Variants in TFCP2L1 observed in about 807,000 individuals in gnomAD.
The protein encoded by TFCP2L1 is transcription factor CP2 like 1.
TFCP2L1 carries 12 observed loss-of-function variants against 72.2 expected under a neutral mutation model. The observed-to-expected ratio is 0.17, with a 90% CI of 0.11 to 0.27. The LOEUF is 0.27. Ranked by LOEUF, TFCP2L1 falls within the 10% of genes least tolerant of loss-of-function variation. The pLI is 1.00. For synonymous variants in TFCP2L1, 260 were observed against 251.0 expected (o/e 1.04, Z -0.34); for missense variants, 488 against 624.6 (o/e 0.78, Z 2.33).
intron 2 of TFCP2L1, among the ~76,000 whole-genome samples, chr2:121,255,977 G>A (rs770582857): frequency 2.6e-5 from 4 of 152,018 alleles, no homozygotes; most frequent in Non-Finnish European, 5.9e-5. Context: ...CTCCTACCTC[G>A]TGATCCACCC....
chr2:121,268,218 C>G (rs988936663), intron 2 of TFCP2L1, among the ~76,000 whole-genome samples: 1 of 152,214 alleles, frequency 6.6e-6, no homozygotes, highest in Non-Finnish European at 1.5e-5. Flanking sequence ...ACAAATTTCA[C>G]ATTTTGGAAA....
At chr2:121,232,117 GTTTTGTTTTGTTTTGT>G (rs1300218892) in intron 12 of TFCP2L1, 149 bp from the exon 13 acceptor site, 17 of 149,388 alleles carry the variant, frequency 1.1e-4, no homozygotes, top group Non-Finnish European at 2.3e-4. Flanking sequence ...TTTTTGTTTT[GTTTTGTTTTGTTTTGT>G]TTTGTTTTGT....
rs1468223409 is a variant in TFCP2L1 at position 121,222,643 on chromosome 2, G to C, written c.*1698C>G. The stretch of plus-strand genomic sequence containing the variant: ...GGCTGCCTTGGACTGCAGGAGTTAG[G>C]AAAGCAGGAGTGACAGACCAAGGGT... On this transcript the variant is annotated 3_prime_UTR_variant, in exon 15 of 15. Coordinates refer to ENST00000263707, the MANE Select transcript of TFCP2L1 (RefSeq NM_014553.3). 6.6e-6 allele frequency: 1 copy of C among 152,222 alleles called. No homozygotes were observed. The highest frequency in any genetic ancestry group is 2.4e-5 in the African/African-American group (1 of 41,450). The allele number at this position is 152,222 out of a possible 1,614,324, so 9.4% of individuals were successfully genotyped here.
Position 121,222,890 on chromosome 2 carries a change from G to C in TFCP2L1, c.*1451C>G, listed in dbSNP as rs889578839. ...TCACTCTGTTCTGTAGGAATGCCACGGCTATTACCCAACATAATGACTAAC... is the reference window on the plus strand; with the variant it reads ...TCACTCTGTTCTGTAGGAATGCCACCGCTATTACCCAACATAATGACTAAC... On this transcript the variant is annotated 3_prime_UTR_variant, in exon 15 of 15. Coordinates refer to ENST00000263707, the MANE Select transcript of TFCP2L1 (RefSeq NM_014553.3). 1 of 152,196 alleles carries C rather than the reference G, an allele frequency of 6.6e-6. No homozygotes were observed. The highest frequency in any genetic ancestry group is 1.5e-5 in the Non-Finnish European group (1 of 68,042). The allele number at this position is 152,196 out of a possible 1,614,324, so 9.4% of individuals were successfully genotyped here.
intron 2 of TFCP2L1, among the ~76,000 whole-genome samples, chr2:121,261,630 A>G (rs1025906851): frequency 1.7e-4 from 26 of 152,224 alleles, no homozygotes; most frequent in Non-Finnish European, 4.4e-5. Flanking sequence ...TTCCAATTAC[A>G]GAAGAAAATC....
chr2:121,249,548 T>C, intron 3 of TFCP2L1, 23 bp downstream of exon 3: 6 of 1,609,986 alleles, frequency 3.7e-6, no homozygotes, highest in Non-Finnish European at 4.2e-6. Context: ...CCCGAGGCAA[T>C]GAGAACAGCC....
At chr2:121,234,360 C>T (rs1573361613) in intron 11 of TFCP2L1, 166 bp from the exon 12 acceptor site, 33 of 624,930 alleles carry the variant, frequency 5.3e-5, no homozygotes, top group South Asian at 3.1e-4. Context: ...TCCCAGGTCC[C>T]GCAGCCTGCC....
intron 2 of TFCP2L1, among the ~76,000 whole-genome samples, chr2:121,264,126 G>C (rs1351022387): frequency 1.3e-5 from 2 of 152,206 alleles, no homozygotes; most frequent in Non-Finnish European, 2.9e-5. Flanking sequence ...CGTGTGCCGG[G>C]CTGAGAGTGG....
At chr2:121,272,683 G>A (rs895368103) in intron 2 of TFCP2L1, among the ~76,000 whole-genome samples, 62 of 152,202 alleles carry the variant, frequency 4.1e-4, no homozygotes, top group African/African-American at 1.4e-3. Flanking sequence ...CAGGATTGGC[G>A]AGATGCTTCC....
chr2:121,236,435 G>A (rs1191988583), intron 10 of TFCP2L1, among the ~76,000 whole-genome samples: 6 of 152,280 alleles, frequency 3.9e-5, no homozygotes, highest in East Asian at 1.9e-4. Flanking sequence ...TGAGCACAGC[G>A]TGAGGGCTGC....
intron 6 of TFCP2L1, among the ~76,000 whole-genome samples, chr2:121,244,508 A>C (rs1686442363): frequency 6.6e-6 from 1 of 152,176 alleles, no homozygotes; most frequent in Admixed American, 6.5e-5. Context: ...TACTCCCTGC[A>C]GGAGATGCCA....
chr2:121,285,050 C>T lies in TFCP2L1; in HGVS notation c.60G>A (p.Leu20=). Residue 20 remains leucine, a splice_region_variant and synonymous_variant, in exon 1 of 15, where the codon CTG becomes CTA. Coordinates refer to ENST00000263707, the MANE Select transcript of TFCP2L1 (RefSeq NM_014553.3). ...HYNQHNSGSY[L]RDVLALPIFK... Reference sequence around the variant, plus strand: ...CGGGGACCGCGCGCGGCCCTTACCGCAGGTAGCTGCCGGAGTTGTGCTGGT... The same window carrying T: ...CGGGGACCGCGCGCGGCCCTTACCGTAGGTAGCTGCCGGAGTTGTGCTGGT... 1 of 1,508,732 alleles carries T rather than the reference C, an allele frequency of 6.6e-7. No individual in the cohort carries two copies. Among genetic ancestry groups the T allele is most frequent in the Non-Finnish European group, 8.8e-7 (1 of 1,130,034 alleles). The allele number at this position is 1,508,732 out of a possible 1,614,324, so 93.5% of individuals were successfully genotyped here. A position where few individuals can be genotyped will look rare whatever the true frequency, so the allele number is the denominator to read the frequency against.
At chr2:121,284,040 C>T (rs754458135) in intron 1 of TFCP2L1, among the ~76,000 whole-genome samples, 36 of 152,172 alleles carry the variant, frequency 2.4e-4, no homozygotes, top group Admixed American at 7.9e-4. Context: ...TCAGGGAGGA[C>T]AAATACCTAC....
At chr2:121,248,875 C>A (rs1263479685) in intron 4 of TFCP2L1, 107 bp downstream of exon 4, 12 of 839,822 alleles carry the variant, frequency 1.4e-5, no homozygotes, top group Admixed American at 3.1e-5. Context: ...AGAGCAGGTG[C>A]AAGCTAAAAC....
chr2:121,245,099 A>G (rs1686454418), intron 6 of TFCP2L1, among the ~76,000 whole-genome samples: 1 of 152,224 alleles, frequency 6.6e-6, no homozygotes, highest in Admixed American at 6.5e-5. Context: ...TGCAATAGGA[A>G]GACTATCTGG....
At chr2:121,284,419 T>TA (rs1687324534) in intron 1 of TFCP2L1, among the ~76,000 whole-genome samples, 1 of 152,202 alleles carries the variant, frequency 6.6e-6, no homozygotes, top group African/African-American at 2.4e-5. Flanking sequence ...ACGCAGGACT[T>TA]ACTTTCCCCT....
chr2:121,278,333 G>C (rs1286447141), intron 2 of TFCP2L1, among the ~76,000 whole-genome samples: 1 of 150,126 alleles, frequency 6.7e-6, no homozygotes, highest in Admixed American at 6.6e-5. Flanking sequence ...ACTGCGCCCG[G>C]CCCTTTTTCT....
chr2:121,240,104 T>G, intron 7 of TFCP2L1: 1 of 985,134 alleles, frequency 1.0e-6, no homozygotes, highest in Non-Finnish European at 1.2e-6. Flanking sequence ...TTAAAACCTG[T>G]GCTATTTGAA....
rs1450356838 is a variant in TFCP2L1 at position 121,224,260 on chromosome 2, C to T, written c.*81G>A. ...GGCCTCAGCTTGCCTGGTGAGGCCA[C>T]AGCTTACAGTGGGGCAATGTCTACA... is the stretch of plus-strand genomic sequence containing the variant. On this transcript the variant is annotated 3_prime_UTR_variant, in exon 15 of 15. Coordinates refer to ENST00000263707, the MANE Select transcript of TFCP2L1 (RefSeq NM_014553.3). The T allele has an allele frequency of 1.9e-6, 3 of 1,560,702 alleles. No homozygotes were observed. Among genetic ancestry groups the T allele is most frequent in the African/African-American group, 1.4e-5 (1 of 74,064 alleles).
Sources: gnomAD v4.1 joint callset for allele counts (sites outside exome capture counted in the v4.1 genomes callset) on GRCh38, gnomAD v4.1.1 for gene constraint, MANE v1.5 for transcripts, NCBI Gene and HGNC (gene_info 2026-07-23, HGNC 2026-07-21) for gene names.